Variants in LMX1A observed in about 807,000 individuals in gnomAD.
LMX1A encodes LIM homeobox transcription factor 1-alpha.
Under a neutral mutation model 49.1 loss-of-function variants are expected in LMX1A, and 15 were observed. That is an observed-to-expected ratio of 0.31 (90% CI 0.20 to 0.47). The LOEUF (loss-of-function observed/expected upper bound fraction) is 0.47, where lower values mean the gene tolerates loss of function less well. LMX1A is among the 20% of genes least tolerant of loss of function. The pLI is 1.00. For synonymous variants in LMX1A, 167 were observed against 185.7 expected (o/e 0.90, Z 0.82); for missense variants, 372 against 475.8 (o/e 0.78, Z 2.03).
At chr1:165,354,669 G>A (rs775375539) in intron 2 of LMX1A, among the ~76,000 whole-genome samples, 1 of 152,348 alleles carries the variant, frequency 6.6e-6, no homozygotes, top group South Asian at 2.1e-4. Flanking sequence ...CGCTCTAGCG[G>A]TTCCGAGTGA....
chr1:165,278,241 A>G (rs1297436606), intron 3 of LMX1A, among the ~76,000 whole-genome samples: 1 of 152,226 alleles, frequency 6.6e-6, no homozygotes, highest in Non-Finnish European at 1.5e-5. Context: ...ACAGAGGTCC[A>G]TGACCTCACA....
chr1:165,269,020 C>T (rs1275760886), intron 3 of LMX1A, among the ~76,000 whole-genome samples: 1 of 152,238 alleles, frequency 6.6e-6, no homozygotes, highest in Non-Finnish European at 1.5e-5. Flanking sequence ...CTCATTACCT[C>T]ATCCCTGGCT....
chr1:165,279,514 T>C (rs557173174), intron 3 of LMX1A, among the ~76,000 whole-genome samples: 1 of 152,338 alleles, frequency 6.6e-6, no homozygotes, highest in African/African-American at 2.4e-5. Flanking sequence ...CCATCTGCCC[T>C]TGAGAGAGAA....
chr1:165,226,770 AT>A (rs1652051466), intron 4 of LMX1A, among the ~76,000 whole-genome samples: 1 of 152,216 alleles, frequency 6.6e-6, no homozygotes, highest in Non-Finnish European at 1.5e-5. Context: ...GTAAGGTTGA[AT>A]TTTATTTTCC....
At chr1:165,290,875 T>C (rs1392418750) in intron 3 of LMX1A, among the ~76,000 whole-genome samples, 2 of 152,202 alleles carry the variant, frequency 1.3e-5, no homozygotes, top group Non-Finnish European at 2.9e-5. Flanking sequence ...GCAGTCTGTG[T>C]TTTAACAAGC....
At chr1:165,276,976 A>T (rs1653989197) in intron 3 of LMX1A, among the ~76,000 whole-genome samples, 1 of 152,264 alleles carries the variant, frequency 6.6e-6, no homozygotes, top group Admixed American at 6.5e-5. Flanking sequence ...GAAGTCCATC[A>T]TCAGCCAAAT....
At chr1:165,336,051 G>A (rs1655888488) in intron 3 of LMX1A, among the ~76,000 whole-genome samples, 1 of 152,090 alleles carries the variant, frequency 6.6e-6, no homozygotes, top group Non-Finnish European at 1.5e-5. Flanking sequence ...ATTTATCGAG[G>A]ATCTTTACTA....
intron 4 of LMX1A, among the ~76,000 whole-genome samples, chr1:165,216,662 T>C (rs1158423212): frequency 6.6e-6 from 1 of 152,094 alleles, no homozygotes; most frequent in African/African-American, 2.4e-5. Context: ...AGTACTTGCA[T>C]TGACCCTTTT....
chr1:165,308,158 T>G (rs754546235), intron 3 of LMX1A, among the ~76,000 whole-genome samples: 5 of 152,220 alleles, frequency 3.3e-5, no homozygotes, highest in African/African-American at 1.2e-4. Flanking sequence ...GATACACTGA[T>G]GCTATCGTAT....
intron 3 of LMX1A, among the ~76,000 whole-genome samples, chr1:165,339,137 A>G (rs906271): frequency 0.9 from 136,272 of 152,254 alleles, 61,235 homozygotes; most frequent in Middle Eastern, 0.95. Context: ...CAAAGATTCT[A>G]AAAACCCACT....
At chr1:165,352,950 G>T in intron 3 of LMX1A, 126 bp downstream of exon 3, 1 of 998,348 alleles carries the variant, frequency 1.0e-6, no homozygotes. Context: ...TGCGCTGAAG[G>T]GAAGTTCTGC....
At chr1:165,284,581 A>G (rs953120271) in intron 3 of LMX1A, among the ~76,000 whole-genome samples, 2 of 152,244 alleles carry the variant, frequency 1.3e-5, no homozygotes, top group Non-Finnish European at 2.9e-5. Flanking sequence ...CGCTGGGAAC[A>G]ACCACAGTCT....
chr1:165,325,183 C>T (rs938231834), intron 3 of LMX1A, among the ~76,000 whole-genome samples: 3 of 152,160 alleles, frequency 2.0e-5, no homozygotes, highest in African/African-American at 7.2e-5. Context: ...CAAGACCCTG[C>T]TCCTCACCAT....
chr1:165,245,021 A>C (rs1296928367), intron 4 of LMX1A, among the ~76,000 whole-genome samples: 1 of 152,196 alleles, frequency 6.6e-6, no homozygotes, highest in African/African-American at 2.4e-5. Context: ...TATCCCATGT[A>C]GCTGTGAACG....
intron 3 of LMX1A, among the ~76,000 whole-genome samples, chr1:165,314,795 T>G (rs1038684607): frequency 2.6e-5 from 4 of 152,176 alleles, no homozygotes; most frequent in African/African-American, 9.7e-5. Flanking sequence ...GCATGTTGTC[T>G]TTACTCATAC....
At chr1:165,244,871 AAT>A (rs1652787425) in intron 4 of LMX1A, among the ~76,000 whole-genome samples, 1 of 140,066 alleles carries the variant, frequency 7.1e-6, no homozygotes, top group African/African-American at 2.8e-5. Flanking sequence ...AAAAAAAAAA[AAT>A]CATCTGACTC....
chr1:165,294,906 A>G lies in LMX1A; in HGVS notation c.264-45266T>C, dbSNP rs568349365. Among the ~76,000 whole-genome samples, 87 of 152,212 alleles carry G rather than the reference A, an allele frequency of 5.7e-4. 1 individual carries two copies. The South Asian group carries it at 0.011, about 20-fold the overall frequency. ...TTGAACCCGGGAGGCAGAGGTTGCA[A>G]TGAGCCGAGATCACGCCAGTGCACA... On this transcript the variant is annotated intron_variant, in intron 3 of 8. Transcript: ENST00000342310.
At chr1:165,227,052 T>C (rs1051210073) in intron 4 of LMX1A, among the ~76,000 whole-genome samples, 1 of 152,194 alleles carries the variant, frequency 6.6e-6, no homozygotes, top group Non-Finnish European at 1.5e-5. Context: ...GAGGGGCATC[T>C]AATGTGGTCT....
intron 3 of LMX1A, among the ~76,000 whole-genome samples, chr1:165,336,658 A>C (rs1655907254): frequency 6.6e-6 from 1 of 152,174 alleles, no homozygotes; most frequent in Non-Finnish European, 1.5e-5. Flanking sequence ...TTGCCATCTC[A>C]GTACAGGGCA....
Sources: allele counts gnomAD v4.1 joint callset (sites outside exome capture counted in the v4.1 genomes callset), GRCh38; gene constraint gnomAD v4.1.1; transcripts MANE v1.5; gene names NCBI Gene and HGNC (gene_info 2026-07-23, HGNC 2026-07-21).